Variants in CIP2A observed in about 807,000 individuals in gnomAD.
The protein encoded by CIP2A is cellular inhibitor of PP2A, also known as protein CIP2A.
Under a neutral mutation model 110.9 loss-of-function variants are expected in CIP2A, and 103 were observed. That is an observed-to-expected ratio of 0.93 (90% confidence interval 0.79 to 1.09). The LOEUF (loss-of-function observed/expected upper bound fraction) is 1.09, where lower values mean the gene tolerates loss of function less well. Among genes scored for constraint, CIP2A ranks in the 50% least tolerant of loss-of-function variants. CIP2A has a pLI of 0.00. For synonymous variants in CIP2A, 381 were observed against 361.6 expected, an observed-to-expected ratio of 1.05 and a Z score of -0.61; for missense variants, 1,088 against 1,038.4, an observed-to-expected ratio of 1.05 and a Z score of -0.66.
chr3:108,579,308 T>C lies in CIP2A; in HGVS notation c.791A>G (p.Asn264Ser). 6.2e-7 allele frequency: 1 copy of C among 1,611,118 alleles called. No homozygotes were observed. Among genetic ancestry groups the C allele is most frequent in the Non-Finnish European group, 8.5e-7 (1 of 1,177,764 alleles). Residue 264 changes from asparagine to serine, a missense_variant, in exon 7 of 21, where the codon AAT (asparagine) becomes AGT (serine). Transcript: ENST00000295746. The part of the protein sequence containing the change: ...SVDLLMDLLK[N>S]PKIADYLTRY... ...GGTGAGATAATCAGCAATTTTAGGA[T>C]TCTTAAGGAGATCCATCAGTAGGTC...
At chr3:108,567,474 T>C (rs116768793) in intron 10 of CIP2A, among the ~76,000 whole-genome samples, 2,115 of 151,916 alleles carry the variant, frequency 0.014, 52 homozygotes, top group African/African-American at 0.049. Flanking sequence ...TCTTTGCTCA[T>C]AGTAAAAAAG....
intron 7 of CIP2A, 136 bp from the exon 8 acceptor site, chr3:108,576,482 C>T (rs932805333): frequency 2.7e-5 from 13 of 474,316 alleles, no homozygotes; most frequent in East Asian, 2.5e-4. Flanking sequence ...ATATAGAACA[C>T]ACTCCTGTAA....
At position 108,554,624 on chromosome 3, in the gene CIP2A, A is replaced by C. The variant is rs6792195; in HGVS notation, c.2211-135T>G. On this transcript the variant is annotated intron_variant, in intron 17 of 20. Transcript: ENST00000295746. ...TGGAAGAGAAGGAATGTTATGAACAAGCAGGACATAAACAGAATTTCATCT... is the reference window on the plus strand; with the variant it reads ...TGGAAGAGAAGGAATGTTATGAACACGCAGGACATAAACAGAATTTCATCT... The C allele has an allele frequency of 5.0e-3, 2,710 of 536,980 alleles. 71 individuals carry two copies. Among genetic ancestry groups the C allele is most frequent in the African/African-American group, 0.048 (2,471 of 51,150 alleles). 33.3% of individuals were successfully genotyped at this position (536,980 alleles called of 1,614,324 possible).
rs1352411536 is a variant in CIP2A, at chr3:108,551,324, G to C, written c.2548-5C>G. On this transcript the variant is annotated splice_region_variant and splice_polypyrimidine_tract_variant and intron_variant, in intron 20 of 20. Coordinates refer to ENST00000295746, the MANE Select transcript of CIP2A (RefSeq NM_020890.3). The stretch of plus-strand genomic sequence containing the variant: ...TTGAACCTCTAGGGAGGAAGCCTAA[G>C]GAATTGGGGTTGGGGGAGGAGGAAG... 6.3e-7 allele frequency: 1 copy of C among 1,597,920 alleles called. No homozygotes were observed. Among genetic ancestry groups the C allele is most frequent in the South Asian group, 1.1e-5 (1 of 87,922 alleles).
rs778438636 is a variant in CIP2A at position 108,569,626 on chromosome 3, T to C, written c.895-19A>G. ...CTAAAACCTGTGCAATATAAAGTGT[T>C]CATTAAACATCAATTTCACAGAACT... On this transcript the variant is annotated intron_variant, in intron 8 of 20. Transcript: ENST00000295746. 3.2e-6 allele frequency: 5 copies of C among 1,555,652 alleles called. No homozygotes were observed. The South Asian group carries it at 5.6e-5, about 17-fold the overall frequency.
At chr3:108,566,456 T>G (rs1938184510) in intron 11 of CIP2A, 41 bp downstream of exon 11, 1 of 1,550,820 alleles carries the variant, frequency 6.4e-7, no homozygotes, top group Admixed American at 1.9e-5. Context: ...TTTCGATTTT[T>G]TACTGCCTTG....
intron 19 of CIP2A, among the ~76,000 whole-genome samples, chr3:108,552,680 T>C (rs1559687041): frequency 1.3e-5 from 2 of 152,174 alleles, no homozygotes; most frequent in East Asian, 1.9e-4. Flanking sequence ...AGAACAAAAA[T>C]GTTTTTCAGG....
In CIP2A at chr3:108,569,447, A is replaced by T. The variant is rs1231696021; in HGVS notation, c.1055T>A (p.Leu352Ter). 6.2e-7 allele frequency: 1 copy of T among 1,612,726 alleles called. No homozygotes were observed. Among genetic ancestry groups the T allele is most frequent in the East Asian group, 2.2e-5 (1 of 44,834 alleles). ...VALLRWLSQPLDGSENCSVLA... is the reference protein window; with the variant it reads ...VALLRWLSQP ...AACAGAACAGTTTTCTGATCCGTCC[A>T]AAGGTTGGCTTAACCAGCGCAGTAG... The change falls in exon 9 of 21, where the codon TTG (leucine) becomes TAG (stop). Residue 352 changes from leucine (L) to a stop codon, truncating the protein, a stop_gained. Coordinates refer to ENST00000295746, the MANE Select transcript of CIP2A (RefSeq NM_020890.3). LOFTEE classifies it high-confidence loss of function.
In CIP2A at chr3:108,566,522, T is replaced by C; in HGVS notation, c.1390A>G (p.Thr464Ala). The change falls in exon 11 of 21, where the codon ACA becomes GCA. Residue 464 changes from threonine (T) to alanine (A), a missense_variant. Transcript: ENST00000295746. Reference protein sequence around the residue: ...TYGKIDLGFGTKVADSELCKL... With the variant: ...TYGKIDLGFGAKVADSELCKL... The stretch of plus-strand genomic sequence containing the variant: ...CATAATTCAGAATCTGCAACCTTTG[T>C]TCCAAATCCCAGGTCAATCTTGCCA... 6.2e-7 allele frequency: 1 copy of C among 1,608,762 alleles called. No individual in the cohort carries two copies. The highest frequency in any genetic ancestry group is 8.5e-7 in the Non-Finnish European group (1 of 1,177,260).
At position 108,554,504 on chromosome 3, in the gene CIP2A, A is replaced by AT; in HGVS notation, c.2211-16_2211-15insA. 9.2e-7 allele frequency: 1 copy of AT among 1,085,954 alleles called. No individual in the cohort carries two copies. The highest frequency in any genetic ancestry group is 1.4e-6 in the Non-Finnish European group (1 of 727,850). The allele number at this position is 1,085,954 out of a possible 1,614,324, so 67.3% of individuals were successfully genotyped here. A position where few individuals can be genotyped will look rare whatever the true frequency, so the allele number is the denominator to read the frequency against. ...TACTTTCATTTCTGAAAAGACAAGA[A>AT]AATGAGTTGGCATCATTATGGAGGA... On this transcript the variant is annotated splice_polypyrimidine_tract_variant and intron_variant, in intron 17 of 20. Coordinates refer to ENST00000295746, the MANE Select transcript of CIP2A (RefSeq NM_020890.3).
chr3:108,557,401 G>C lies in CIP2A; in HGVS notation c.2027C>G (p.Ala676Gly). 1.3e-6 allele frequency: 2 copies of C among 1,590,932 alleles called. No homozygotes were observed. The highest frequency in any genetic ancestry group is 1.1e-5 in the South Asian group (1 of 88,244). Residue 676 changes from alanine (A) to glycine (G), a missense_variant, in exon 17 of 21, where the codon GCT (alanine) becomes GGT (glycine). Transcript: ENST00000295746. ...TQAETEARTL[A>G]SMLREVERKN... is the part of the protein sequence containing the mutation. ...TCTCTCAACTTCTCTCAACATACTA[G>C]CAAGTGTCCGTGCCTCAAAAAAAAA...
At position 108,560,834 on chromosome 3, in the gene CIP2A, C is replaced by G. The variant is rs1455834443; in HGVS notation, c.1642G>C (p.Glu548Gln). 4.5e-6 allele frequency: 7 copies of G among 1,557,428 alleles called. No individual in the cohort carries two copies. The highest frequency in any genetic ancestry group is 1.7e-4 in the Middle Eastern group (1 of 5,826). ...TAGGCATTGTTTGCTGCTATACTTT[C>G]TCCAAGTCTGAATGGGAGTCAAAGA... ...LPDFPALVLG[E>Q]SIAANNAYRQ... The change falls in exon 14 of 21, where the codon GAA becomes CAA. Residue 548 changes from glutamate to glutamine, a missense_variant. Glu to Gln is a conservative substitution (Grantham distance 29, BLOSUM62 2). Transcript: ENST00000295746.
At chr3:108,571,557 T>G (rs555360179) in intron 8 of CIP2A, among the ~76,000 whole-genome samples, 2 of 152,302 alleles carry the variant, frequency 1.3e-5, no homozygotes, top group South Asian at 4.1e-4. Flanking sequence ...TTACCATATG[T>G]CCGTTATAAA....
At chr3:108,575,215 C>T (rs1257565008) in intron 8 of CIP2A, among the ~76,000 whole-genome samples, 1 of 151,846 alleles carries the variant, frequency 6.6e-6, no homozygotes, top group East Asian at 1.9e-4. Context: ...AGATAGAAAA[C>T]GTATTATATG....
intron 2 of CIP2A, among the ~76,000 whole-genome samples, chr3:108,584,582 T>C (rs1005462405): frequency 2.0e-5 from 3 of 152,200 alleles, no homozygotes; most frequent in Non-Finnish European, 4.4e-5. Context: ...GAATGCTTAA[T>C]AGCTCCATGT....
chr3:108,570,138 T>A (rs1364333653), intron 8 of CIP2A, among the ~76,000 whole-genome samples: 1 of 151,988 alleles, frequency 6.6e-6, no homozygotes, highest in Non-Finnish European at 1.5e-5. Flanking sequence ...CTGGGCCTTA[T>A]ACCATAACAT....
rs368614484 is a variant in CIP2A at position 108,589,424 on chromosome 3, C to T, written c.-49G>A. The T allele has an allele frequency of 1.1e-5, 15 of 1,363,244 alleles. No homozygotes were observed. In the African/African-American group the frequency reaches 1.7e-4, roughly 16 times the overall value. The allele number at this position is 1,363,244 out of a possible 1,614,324, so 84.4% of individuals were successfully genotyped here. On this transcript the variant is annotated 5_prime_UTR_variant, in exon 1 of 21. Transcript: ENST00000295746. ...GGGACCACCACCGCCCAGCGTGCGC[C>T]GGCCTTTAGCTTTCGCCGCGCTTTT... is the stretch of plus-strand genomic sequence containing the variant.
chr3:108,568,193 T>A lies in CIP2A; in HGVS notation c.1235A>T (p.Lys412Ile), dbSNP rs1488481518. 2 of 1,612,108 alleles carry A rather than the reference T, an allele frequency of 1.2e-6. No individual in the cohort carries two copies. The highest frequency in any genetic ancestry group is 1.7e-6 in the Non-Finnish European group (2 of 1,178,744). The change falls in exon 10 of 21, where the codon AAA becomes ATA. Residue 412 changes from lysine (K) to isoleucine (I), a missense_variant. By Grantham distance (102) the Lys-to-Ile change is moderately radical. Coordinates refer to ENST00000295746, the MANE Select transcript of CIP2A (RefSeq NM_020890.3). ...QNLDEALTRK[K>I]CERIAKAIEV... ...AATGGCCTTGGCAATCCTTTCACAT[T>A]TTTTTCTTGTTAAAGCCTCATCTAG...
chr3:108,556,277 A>T (rs148206030), intron 17 of CIP2A, among the ~76,000 whole-genome samples: 2,159 of 152,328 alleles, frequency 0.014, 53 homozygotes, highest in African/African-American at 0.05. Context: ...TATTAACAAC[A>T]TAGAACAATC....
Sources: gnomAD v4.1 joint callset for allele counts (sites outside exome capture counted in the v4.1 genomes callset) on GRCh38, gnomAD v4.1.1 for gene constraint, MANE v1.5 for transcripts, NCBI Gene and HGNC (gene_info 2026-07-23, HGNC 2026-07-21) for gene names.